The following EFNA5 variants were observed in gnomAD, a reference collection of about 807,000 sequenced individuals.
EFNA5 encodes the protein ephrin A5.
Under a neutral mutation model 22.9 loss-of-function variants are expected in EFNA5, and 5 were observed. That is an observed-to-expected ratio of 0.22 (90% CI 0.11 to 0.46). The LOEUF is 0.46. Ranked by LOEUF, EFNA5 falls within the 20% of genes least tolerant of loss-of-function variation. The pLI, the probability that EFNA5 is intolerant of heterozygous loss-of-function variation, is 0.99. For synonymous variants in EFNA5, 113 were observed against 112.2 expected (o/e 1.01, Z -0.04); for missense variants, 237 against 293.3 (o/e 0.81, Z 1.40).
intron 1 of EFNA5, among the ~76,000 whole-genome samples, chr5:107,482,813 TG>T (rs1750508291): frequency 1.2e-5 from 1 of 82,882 alleles, no homozygotes; most frequent in African/African-American, 4.6e-5. Context: ...TCTCTCTCTC[TG>T]TCTCTCTCTC....
chr5:107,529,842 C>A (rs770494040), intron 1 of EFNA5, among the ~76,000 whole-genome samples: 2 of 152,154 alleles, frequency 1.3e-5, no homozygotes, highest in East Asian at 3.8e-4. Flanking sequence ...TCTAGGGAGC[C>A]TAGGCTAAGA....
intron 1 of EFNA5, among the ~76,000 whole-genome samples, chr5:107,494,748 G>T (rs775565682): frequency 2.2e-4 from 34 of 152,302 alleles, no homozygotes; most frequent in Admixed American, 5.9e-4. Context: ...AGCTACTCTG[G>T]TGGGGCCTTG....
At chr5:107,546,589 T>A (rs1375260504) in intron 1 of EFNA5, among the ~76,000 whole-genome samples, 5 of 151,746 alleles carry the variant, frequency 3.3e-5, no homozygotes, top group Non-Finnish European at 7.4e-5. Context: ...AATAGGAAGC[T>A]AGTGAAGACT....
chr5:107,478,288 T>G (rs533800654), intron 1 of EFNA5, among the ~76,000 whole-genome samples: 62 of 152,274 alleles, frequency 4.1e-4, no homozygotes, highest in African/African-American at 1.5e-3. Context: ...GCGAGTAATA[T>G]TCTCAGCATT....
At chr5:107,457,288 A>G (rs1418019958) in intron 1 of EFNA5, among the ~76,000 whole-genome samples, 1 of 152,130 alleles carries the variant, frequency 6.6e-6, no homozygotes, top group Non-Finnish European at 1.5e-5. Context: ...TGCACTCCAT[A>G]GAGGTGGTAG....
chr5:107,485,773 G>T (rs1185792767), intron 1 of EFNA5, among the ~76,000 whole-genome samples: 2 of 152,310 alleles, frequency 1.3e-5, no homozygotes, highest in East Asian at 3.9e-4. Flanking sequence ...TTCGGTCTAG[G>T]TAAACAAACA....
chr5:107,477,324 CTT>C (rs1041841833), intron 1 of EFNA5, among the ~76,000 whole-genome samples: 2 of 152,166 alleles, frequency 1.3e-5, no homozygotes, highest in African/African-American at 4.8e-5. Flanking sequence ...AATTTATAAT[CTT>C]TTGAATTAAG....
chr5:107,456,885 T>A (rs1210336911), intron 1 of EFNA5, among the ~76,000 whole-genome samples: 1 of 152,142 alleles, frequency 6.6e-6, no homozygotes, highest in African/African-American at 2.4e-5. Flanking sequence ...TCAAAATGCA[T>A]CCCAAGAATC....
chr5:107,646,154 A>T (rs540395753), intron 1 of EFNA5, among the ~76,000 whole-genome samples: 1 of 152,238 alleles, frequency 6.6e-6, no homozygotes, highest in Non-Finnish European at 1.5e-5. Flanking sequence ...ATAGGAAAAG[A>T]GTACGCAGTT....
At position 107,422,594 on chromosome 5, in the gene EFNA5, G is replaced by A. The variant is rs551498516; in HGVS notation, c.418+4623C>T. 3.3e-5 allele frequency among the ~76,000 whole-genome samples: 5 copies of A among 152,344 alleles called. No homozygotes were observed. In the South Asian group the frequency reaches 1.0e-3, roughly 32 times the overall value. On this transcript the variant is annotated intron_variant, in intron 2 of 4. Coordinates refer to ENST00000333274, the MANE Select transcript of EFNA5 (RefSeq NM_001962.3). ...AGGGACAATAAAGTCCCCAGGTCCCGATGTAGGAGTGTACTGGATAGGAGA... is the reference window on the plus strand; with the variant it reads ...AGGGACAATAAAGTCCCCAGGTCCCAATGTAGGAGTGTACTGGATAGGAGA...
chr5:107,441,371 C>T lies in EFNA5; in HGVS notation c.126-13862G>A, dbSNP rs150498440. 4.6e-3 allele frequency among the ~76,000 whole-genome samples: 707 copies of T among 152,222 alleles called. 4 individuals are homozygous for T. The highest frequency in any genetic ancestry group is 0.016 in the African/African-American group (666 of 41,550). On this transcript the variant is annotated intron_variant, in intron 1 of 4. Coordinates refer to ENST00000333274, the MANE Select transcript of EFNA5 (RefSeq NM_001962.3). ...CACTCTTGGTGCTGTTAAACCTGCC[C>T]TGAAGCATGCACTAATATTCAGGGC...
intron 1 of EFNA5, among the ~76,000 whole-genome samples, chr5:107,667,107 C>T (rs185571928): frequency 6.6e-5 from 10 of 152,144 alleles, no homozygotes; most frequent in African/African-American, 2.2e-4. Flanking sequence ...TGATTATTTA[C>T]ACTTTTAGGT....
At chr5:107,426,124 T>C (rs1243739205) in intron 2 of EFNA5, among the ~76,000 whole-genome samples, 1 of 152,188 alleles carries the variant, frequency 6.6e-6, no homozygotes, top group African/African-American at 2.4e-5. Context: ...GAAAGGTCAC[T>C]CCCTAAGAAC....
rs140139064 is a variant in EFNA5, at chr5:107,446,531, C to T, written c.126-19022G>A. ...TTGGGAGGCTGAGGCAGGCAGATCA[C>T]GAGATCAGGAGATCGAGACCAGACC... is the stretch of plus-strand genomic sequence containing the variant. On this transcript the variant is annotated intron_variant, in intron 1 of 4. Coordinates refer to ENST00000333274, the MANE Select transcript of EFNA5 (RefSeq NM_001962.3). 1.2e-4 allele frequency among the ~76,000 whole-genome samples: 18 copies of T among 152,168 alleles called. No homozygotes were observed. In the East Asian group the frequency reaches 3.3e-3, roughly 28 times the overall value.
chr5:107,404,802 A>G (rs1748166870), intron 2 of EFNA5, among the ~76,000 whole-genome samples: 1 of 152,190 alleles, frequency 6.6e-6, no homozygotes, highest in Admixed American at 6.5e-5. Flanking sequence ...CCCTTCCAGA[A>G]AAGTCTGGGG....
At chr5:107,414,656 T>G (rs1748458239) in intron 2 of EFNA5, among the ~76,000 whole-genome samples, 1 of 152,202 alleles carries the variant, frequency 6.6e-6, no homozygotes, top group Non-Finnish European at 1.5e-5. Context: ...AAAGGGGTTT[T>G]ATAGCATTTG....
intron 1 of EFNA5, among the ~76,000 whole-genome samples, chr5:107,664,256 C>T (rs1751024759): frequency 6.6e-6 from 1 of 152,104 alleles, no homozygotes; most frequent in Non-Finnish European, 1.5e-5. Flanking sequence ...TACTCAAGAT[C>T]ATGCAAAATA....
At chr5:107,522,650 C>A (rs1411464388) in intron 1 of EFNA5, among the ~76,000 whole-genome samples, 1 of 152,130 alleles carries the variant, frequency 6.6e-6, no homozygotes, top group East Asian at 1.9e-4. Context: ...TTTGGCCTCC[C>A]AAAGGGTTGG....
intron 1 of EFNA5, among the ~76,000 whole-genome samples, chr5:107,576,134 G>C (rs1748922160): frequency 2.0e-5 from 3 of 151,994 alleles, no homozygotes; most frequent in Admixed American, 1.3e-4. Context: ...GTACAAAATG[G>C]GTTGTTGTAA....
Sources: allele counts gnomAD v4.1 joint callset (sites outside exome capture counted in the v4.1 genomes callset), GRCh38; gene constraint gnomAD v4.1.1; transcripts MANE v1.5; gene names NCBI Gene and HGNC (gene_info 2026-07-23, HGNC 2026-07-21).